FILIP1L: variants seen among roughly 807,000 people sequenced by gnomAD.
The protein encoded by FILIP1L is filamin A-interacting protein 1-like.
Under a neutral mutation model 96.6 loss-of-function variants are expected in FILIP1L, and 55 were observed. That is an observed-to-expected ratio of 0.57 (90% confidence interval 0.46 to 0.71). FILIP1L has a LOEUF of 0.71. Ranked by LOEUF, FILIP1L falls within the 30% of genes least tolerant of loss-of-function variation. The pLI is 0.00. For missense variants in FILIP1L, 1,304 were observed against 1,321.2 expected, an observed-to-expected ratio of 0.99 and a Z score of 0.20; for synonymous variants, 467 against 473.9, an observed-to-expected ratio of 0.99 and a Z score of 0.19.
intron 1 of FILIP1L, among the ~76,000 whole-genome samples, chr3:100,058,963 C>G (rs1174750375): frequency 6.6e-6 from 1 of 152,190 alleles, no homozygotes; most frequent in Non-Finnish European, 1.5e-5. Flanking sequence ...GCATTTGGTG[C>G]AAGTTCAGGA....
At chr3:100,037,280 T>C (rs550921262) in intron 1 of FILIP1L, among the ~76,000 whole-genome samples, 2 of 152,264 alleles carry the variant, frequency 1.3e-5, no homozygotes, top group East Asian at 3.9e-4. Context: ...CTCAGATGGT[T>C]TAGAAAAACA....
At chr3:99,976,515 G>A (rs1217916924) in intron 1 of FILIP1L, among the ~76,000 whole-genome samples, 1 of 152,120 alleles carries the variant, frequency 6.6e-6, no homozygotes, top group Non-Finnish European at 1.5e-5. Flanking sequence ...TTCAGTAACT[G>A]GCAGTCTAGT....
At chr3:99,835,388 G>A (rs1204583002) in intron 5 of FILIP1L, among the ~76,000 whole-genome samples, 1 of 152,186 alleles carries the variant, frequency 6.6e-6, no homozygotes, top group African/African-American at 2.4e-5. Flanking sequence ...TAGATCACCT[G>A]TAAAGTCCTT....
chr3:100,082,533 A>G (rs1156897972), intron 1 of FILIP1L, among the ~76,000 whole-genome samples: 1 of 152,144 alleles, frequency 6.6e-6, no homozygotes, highest in Admixed American at 6.5e-5. Context: ...ACAGCCCATA[A>G]TATCTGAGTG....
chr3:99,903,138 ACT>A (rs1285250761), intron 4 of FILIP1L, among the ~76,000 whole-genome samples: 3 of 152,064 alleles, frequency 2.0e-5, no homozygotes, highest in African/African-American at 4.8e-5. Flanking sequence ...TATAATAGTA[ACT>A]CTCTCATAGG....
intron 4 of FILIP1L, among the ~76,000 whole-genome samples, chr3:99,868,923 T>C (rs138447179): frequency 6.6e-6 from 1 of 152,326 alleles, no homozygotes; most frequent in African/African-American, 2.4e-5. Flanking sequence ...TTTAGTATAT[T>C]ACTTTTGCCG....
intron 1 of FILIP1L, among the ~76,000 whole-genome samples, chr3:100,046,928 A>G (rs2065287184): frequency 6.6e-6 from 1 of 152,238 alleles, no homozygotes; most frequent in Non-Finnish European, 1.5e-5. Context: ...ATGAGTAATT[A>G]GGTAGAGGGA....
chr3:99,891,123 A>C (rs1281482617), intron 4 of FILIP1L, among the ~76,000 whole-genome samples: 2 of 151,410 alleles, frequency 1.3e-5, no homozygotes, highest in African/African-American at 2.4e-5. Context: ...CTAGCTTGTT[A>C]GTATACCTTC....
At chr3:99,909,725 C>T (rs1706732658) in intron 4 of FILIP1L, among the ~76,000 whole-genome samples, 1 of 152,092 alleles carries the variant, frequency 6.6e-6, no homozygotes, top group Non-Finnish European at 1.5e-5. Flanking sequence ...CTCATAATAA[C>T]TTAAAGTTGC....
intron 4 of FILIP1L, among the ~76,000 whole-genome samples, chr3:99,922,949 G>T (rs1316316523): frequency 6.6e-6 from 1 of 152,062 alleles, no homozygotes; most frequent in Non-Finnish European, 1.5e-5. Context: ...AAGTTCCTCA[G>T]TATTTTCTTC....
At chr3:99,970,677 CAA>C (rs1708786692) in intron 1 of FILIP1L, among the ~76,000 whole-genome samples, 1 of 152,146 alleles carries the variant, frequency 6.6e-6, no homozygotes, top group Non-Finnish European at 1.5e-5. Flanking sequence ...CAGTAAATGA[CAA>C]GACATTCTGT....
At chr3:99,833,553 T>A (rs1942774614) in intron 5 of FILIP1L, among the ~76,000 whole-genome samples, 1 of 152,258 alleles carries the variant, frequency 6.6e-6, no homozygotes, top group Admixed American at 6.5e-5. Flanking sequence ...TCAGCATTTA[T>A]GGAGAAACTA....
chr3:99,938,738 A>T (rs1385989690), intron 1 of FILIP1L, among the ~76,000 whole-genome samples: 2 of 152,196 alleles, frequency 1.3e-5, no homozygotes, highest in African/African-American at 4.8e-5. Flanking sequence ...GGCTATAAAT[A>T]GATGTTAATA....
At chr3:100,065,677 A>G (rs932102116) in intron 1 of FILIP1L, among the ~76,000 whole-genome samples, 1 of 105,938 alleles carries the variant, frequency 9.4e-6, no homozygotes, top group Non-Finnish European at 2.2e-5. Flanking sequence ...CTGAGGTGCA[A>G]ATGACACTTG....
chr3:99,963,440 A>G (rs1708552319), intron 1 of FILIP1L, among the ~76,000 whole-genome samples: 1 of 152,302 alleles, frequency 6.6e-6, no homozygotes, highest in Middle Eastern at 3.4e-3. Context: ...GCACAGAAGT[A>G]AGGGGCTGAC....
chr3:100,109,103 C>T (rs1298935340), intron 1 of FILIP1L, among the ~76,000 whole-genome samples: 3 of 148,872 alleles, frequency 2.0e-5, no homozygotes, highest in Non-Finnish European at 4.4e-5. Context: ...AAAAAAAAAG[C>T]ATATTTCTCT....
chr3:100,050,496 G>C (rs1268403793), intron 1 of FILIP1L, among the ~76,000 whole-genome samples: 1 of 151,922 alleles, frequency 6.6e-6, no homozygotes. Flanking sequence ...TTTTTTAGAG[G>C]CATCTCTGTA....
intron 1 of FILIP1L, among the ~76,000 whole-genome samples, chr3:100,038,509 G>A (rs1018792516): frequency 4.6e-5 from 7 of 152,134 alleles, no homozygotes; most frequent in African/African-American, 1.7e-4. Context: ...CTTATTGACT[G>A]TTCGGTTTAA....
At chr3:99,995,647 A>T (rs1709656271) in intron 1 of FILIP1L, among the ~76,000 whole-genome samples, 1 of 152,234 alleles carries the variant, frequency 6.6e-6, no homozygotes, top group South Asian at 2.1e-4. Context: ...CTGCCTGGGC[A>T]TCCAGGCGTT....
Sources: allele counts gnomAD v4.1 joint callset (sites outside exome capture counted in the v4.1 genomes callset), GRCh38; gene constraint gnomAD v4.1.1; transcripts MANE v1.5; gene names NCBI Gene and HGNC (gene_info 2026-07-23, HGNC 2026-07-21).